Variants in KCNH5 observed in about 807,000 individuals in gnomAD.
The protein encoded by KCNH5 is potassium voltage-gated channel subfamily H member 5.
In KCNH5, 46 loss-of-function variants were observed where a neutral mutation model predicts 96.1. The ratio of observed to expected loss-of-function variants is 0.48; its 90% CI spans 0.38 to 0.61. The LOEUF is 0.61. Ranked by LOEUF, KCNH5 falls within the 20% of genes least tolerant of loss-of-function variation. The probability of loss-of-function intolerance (pLI) is 0.00; values close to 1 mark genes in which losing one functional copy is unlikely to be tolerated. For synonymous variants in KCNH5, 439 were observed against 449.8 expected (o/e 0.98, Z 0.30); for missense variants, 907 against 1,225.8 (o/e 0.74, Z 3.88).
chr14:62,792,362 T>A (rs1264907704), intron 9 of KCNH5, among the ~76,000 whole-genome samples: 2 of 151,596 alleles, frequency 1.3e-5, no homozygotes, highest in Non-Finnish European at 3.0e-5. Context: ...AAATAGCTCT[T>A]ATTAAGCAGA....
chr14:62,994,181 C>T (rs756433011), intron 4 of KCNH5, among the ~76,000 whole-genome samples: 3 of 152,028 alleles, frequency 2.0e-5, no homozygotes, highest in Non-Finnish European at 2.9e-5. Flanking sequence ...AGTATAATTA[C>T]TCATATTTCA....
chr14:62,988,839 T>C (rs1205430655), intron 4 of KCNH5, among the ~76,000 whole-genome samples: 2 of 152,082 alleles, frequency 1.3e-5, no homozygotes, highest in African/African-American at 4.8e-5. Flanking sequence ...GGACTTTTCT[T>C]ACTACAGTAT....
At chr14:62,934,886 A>G (rs1200758765) in intron 7 of KCNH5, among the ~76,000 whole-genome samples, 2 of 152,180 alleles carry the variant, frequency 1.3e-5, no homozygotes, top group Non-Finnish European at 2.9e-5. Flanking sequence ...GCAGTGAAAC[A>G]TAAGAGGGCA....
chr14:62,842,090 A>G (rs576160143), intron 8 of KCNH5, among the ~76,000 whole-genome samples: 2 of 152,362 alleles, frequency 1.3e-5, no homozygotes, highest in South Asian at 2.1e-4. Context: ...TTTGAATCAA[A>G]TAACACAGCC....
At position 62,922,198 on chromosome 14, in the gene KCNH5, T is replaced by C. The variant is rs56051678; in HGVS notation, c.1369+27935A>G. On this transcript the variant is annotated intron_variant, in intron 7 of 10. Coordinates refer to ENST00000322893, the MANE Select transcript of KCNH5 (RefSeq NM_139318.5). The stretch of plus-strand genomic sequence containing the variant: ...GGAAAATAATTTTACTTGATTTTTT[T>C]AATCCTTAGACGTAGATAACTGCAT... Among the ~76,000 whole-genome samples, 300 of 152,162 alleles carry C rather than the reference T, an allele frequency of 2.0e-3. 1 individual carries two copies. Among genetic ancestry groups the C allele is most frequent in the Non-Finnish European group, 1.6e-3 (110 of 67,962 alleles).
At chr14:63,033,273 T>C (rs1891663030) in intron 1 of KCNH5, among the ~76,000 whole-genome samples, 1 of 152,204 alleles carries the variant, frequency 6.6e-6, no homozygotes, top group Non-Finnish European at 1.5e-5. Context: ...CTCGCCCTTA[T>C]CTCCTGTCTT....
chr14:62,728,390 GAAAAAAA>G (rs5809167), intron 10 of KCNH5, among the ~76,000 whole-genome samples: 1 of 127,792 alleles, frequency 7.8e-6, no homozygotes, highest in African/African-American at 3.0e-5. Context: ...CTGTCTCAAA[GAAAAAAA>G]AAAAAAAAAT....
At chr14:62,771,516 T>A (rs988643688) in intron 10 of KCNH5, among the ~76,000 whole-genome samples, 1 of 151,940 alleles carries the variant, frequency 6.6e-6, no homozygotes. Context: ...TCCCAGCTAC[T>A]CGGGAGGCTG....
chr14:62,867,059 G>A (rs529898838), intron 7 of KCNH5, among the ~76,000 whole-genome samples: 1 of 152,162 alleles, frequency 6.6e-6, no homozygotes, highest in Admixed American at 6.6e-5. Flanking sequence ...ATGGGATACA[G>A]CTTGCTTCCA....
At chr14:62,801,237 T>C (rs915857441) in intron 9 of KCNH5, among the ~76,000 whole-genome samples, 2 of 152,128 alleles carry the variant, frequency 1.3e-5, no homozygotes, top group African/African-American at 4.8e-5. Flanking sequence ...ATAAGTGGCA[T>C]TCAAGCTATG....
intron 1 of KCNH5, among the ~76,000 whole-genome samples, chr14:63,024,102 A>G (rs1891479475): frequency 6.6e-6 from 1 of 151,974 alleles, no homozygotes; most frequent in African/African-American, 2.4e-5. Flanking sequence ...GCAGCTACTC[A>G]GGAGGCTGCG....
intron 10 of KCNH5, among the ~76,000 whole-genome samples, chr14:62,752,699 T>C (rs1566649292): frequency 6.6e-6 from 1 of 151,544 alleles, no homozygotes; most frequent in Non-Finnish European, 1.5e-5. Context: ...TGGTGGGAGG[T>C]GATTGGATTA....
At chr14:62,828,466 G>A (rs1307752167) in intron 8 of KCNH5, among the ~76,000 whole-genome samples, 1 of 152,146 alleles carries the variant, frequency 6.6e-6, no homozygotes, top group African/African-American at 2.4e-5. Flanking sequence ...GCACATGACT[G>A]GGAAGGCTTA....
intron 10 of KCNH5, among the ~76,000 whole-genome samples, chr14:62,740,859 G>A (rs554853593): frequency 6.6e-6 from 1 of 152,200 alleles, no homozygotes; most frequent in Non-Finnish European, 1.5e-5. Flanking sequence ...AAACTGATTA[G>A]CTTCGAGCAG....
rs139280284 is a variant in KCNH5, at chr14:62,710,507, C to T, written c.2020-2052G>A. Among the ~76,000 whole-genome samples, 635 of 152,312 alleles carry T rather than the reference C, an allele frequency of 4.2e-3. 3 individuals are homozygous for T. The highest frequency in any genetic ancestry group is 0.014 in the African/African-American group (588 of 41,566). On this transcript the variant is annotated intron_variant, in intron 10 of 10. Coordinates refer to ENST00000322893, the MANE Select transcript of KCNH5 (RefSeq NM_139318.5). Reference sequence around the variant, plus strand: ...AACCAGACAGACCCAGACACAGGAACGCAGATACTATTTTCCTATTTCAGC... The same window carrying T: ...AACCAGACAGACCCAGACACAGGAATGCAGATACTATTTTCCTATTTCAGC...
At chr14:62,929,155 C>CA (rs1485452618) in intron 7 of KCNH5, among the ~76,000 whole-genome samples, 1 of 151,806 alleles carries the variant, frequency 6.6e-6, no homozygotes, top group Non-Finnish European at 1.5e-5. Context: ...ATATATAAAC[C>CA]AAAAAAACTC....
chr14:63,024,863 A>C (rs1891497065), intron 1 of KCNH5, among the ~76,000 whole-genome samples: 1 of 152,190 alleles, frequency 6.6e-6, no homozygotes, highest in Non-Finnish European at 1.5e-5. Flanking sequence ...AAAATTAAAA[A>C]GGAGAGAAAA....
chr14:62,797,515 A>AAACT (rs1323934071), intron 9 of KCNH5, among the ~76,000 whole-genome samples: 1 of 152,198 alleles, frequency 6.6e-6, no homozygotes, highest in African/African-American at 2.4e-5. Context: ...TTAAGGATTT[A>AAACT]AACTGTGAAG....
intron 8 of KCNH5, among the ~76,000 whole-genome samples, chr14:62,814,730 C>T (rs912826625): frequency 1.1e-4 from 14 of 132,444 alleles, no homozygotes; most frequent in African/African-American, 3.1e-4. Flanking sequence ...TTGCAGTGAA[C>T]CAAGTTCACA....
Sources: allele counts gnomAD v4.1 joint callset (sites outside exome capture counted in the v4.1 genomes callset), GRCh38; gene constraint gnomAD v4.1.1; transcripts MANE v1.5; gene names NCBI Gene and HGNC (gene_info 2026-07-23, HGNC 2026-07-21).